Variants in FSTL4 observed in about 807,000 individuals in gnomAD.
FSTL4 encodes follistatin like 4.
In FSTL4, 28 loss-of-function variants were observed where a neutral mutation model predicts 78.2. The observed-to-expected ratio is 0.36, with a 90% CI of 0.27 to 0.49. FSTL4 has a LOEUF of 0.49. Among genes scored for constraint, FSTL4 ranks in the 20% least tolerant of loss-of-function variants. The probability of loss-of-function intolerance (pLI) is 0.98; values close to 1 mark genes in which losing one functional copy is unlikely to be tolerated. For missense variants in FSTL4, 922 were observed against 1,084.9 expected, an observed-to-expected ratio of 0.85 and a Z score of 2.11; for synonymous variants, 422 against 440.5, an observed-to-expected ratio of 0.96 and a Z score of 0.53.
intron 6 of FSTL4, among the ~76,000 whole-genome samples, chr5:133,255,703 C>T (rs879882957): frequency 4.6e-5 from 7 of 152,220 alleles, no homozygotes; most frequent in African/African-American, 1.7e-4. Context: ...AAACACCCGT[C>T]CTCACCTTTC....
At chr5:133,248,979 A>G (rs1752128119) in intron 7 of FSTL4, among the ~76,000 whole-genome samples, 1 of 152,040 alleles carries the variant, frequency 6.6e-6, no homozygotes, top group Non-Finnish European at 1.5e-5. Flanking sequence ...TCTACAGCCT[A>G]CCCAGCACTA....
At position 133,578,972 on chromosome 5, in the gene FSTL4, T is replaced by A. The variant is rs73788159; in HGVS notation, c.127-11753A>T. ...AATCCACATCTCTCAGAATGAGCAA[T>A]CACCACGTCCAAGACCATCACAACA... On this transcript the variant is annotated intron_variant, in intron 2 of 15. Transcript: ENST00000265342. 5.5e-3 allele frequency among the ~76,000 whole-genome samples: 829 copies of A among 151,546 alleles called. 7 individuals carry two copies. Among genetic ancestry groups the A allele is most frequent in the African/African-American group, 0.019 (796 of 40,852 alleles).
At chr5:133,375,954 C>T (rs554256311) in intron 4 of FSTL4, among the ~76,000 whole-genome samples, 28 of 152,182 alleles carry the variant, frequency 1.8e-4, no homozygotes, top group Admixed American at 3.9e-4. Context: ...ACTATGTTTA[C>T]GGATGGAAAG....
chr5:133,701,821 C>G, the FSTL4 span, among the ~76,000 whole-genome samples: 1 of 152,180 alleles, frequency 6.6e-6, no homozygotes, highest in Non-Finnish European at 1.5e-5. Flanking sequence ...GTGCAAATGC[C>G]TGAGCTCATC....
At position 133,199,130 on chromosome 5, in the gene FSTL4, C is replaced by T. The variant is rs558686290; in HGVS notation, c.2494G>A (p.Gly832Arg). 90 of 1,572,366 alleles carry T rather than the reference C, an allele frequency of 5.7e-5. 2 individuals are homozygous for T. In the South Asian group the frequency reaches 8.7e-4, roughly 15 times the overall value. ...CCCACCCACACCACTGTGGTCCCCCCCTTTATACCTGACACCTCACACCGC... is the reference window on the plus strand; with the variant it reads ...CCCACCCACACCACTGTGGTCCCCCTCTTTATACCTGACACCTCACACCGC... ...TLRCEVSGIK[G>R]GTTVVWVGEV The change falls in exon 16 of 16, where the codon GGG (glycine) becomes AGG (arginine). Residue 832 changes from glycine to arginine, a missense_variant. By Grantham distance (125) the Gly-to-Arg change is moderately radical. Coordinates refer to ENST00000265342, the MANE Select transcript of FSTL4 (RefSeq NM_015082.2). This position sits in a 1 kb window ranked among gnomAD's most constrained non-coding sequence, Gnocchi z 4.4.
chr5:133,769,347 C>T, the FSTL4 span, among the ~76,000 whole-genome samples: 1 of 152,210 alleles, frequency 6.6e-6, no homozygotes, highest in Non-Finnish European at 1.5e-5. Context: ...AGTGCTTGGT[C>T]TCATCATGGC....
chr5:133,538,010 C>T (rs948719160), intron 3 of FSTL4, among the ~76,000 whole-genome samples: 1 of 152,112 alleles, frequency 6.6e-6, no homozygotes, highest in African/African-American at 2.4e-5. Flanking sequence ...GAGGTCAACA[C>T]AGCCTCCTAC....
intron 6 of FSTL4, among the ~76,000 whole-genome samples, chr5:133,260,755 G>T (rs1234746399): frequency 6.6e-6 from 1 of 152,212 alleles, no homozygotes; most frequent in Non-Finnish European, 1.5e-5. Context: ...ACATGGCAGG[G>T]AGCTCAGCTG....
intron 2 of FSTL4, among the ~76,000 whole-genome samples, chr5:133,569,979 G>A (rs547894716): frequency 3.4e-4 from 52 of 152,182 alleles, no homozygotes; most frequent in African/African-American, 8.9e-4. Context: ...GGAGGCTGAG[G>A]CGGGCGGATC....
At chr5:133,463,767 A>G (rs1314246812) in intron 3 of FSTL4, among the ~76,000 whole-genome samples, 1 of 152,204 alleles carries the variant, frequency 6.6e-6, no homozygotes, top group African/African-American at 2.4e-5. Flanking sequence ...GCCTTTCCTG[A>G]GAGCAAATGA....
chr5:133,322,836 T>A (rs1256560697), intron 4 of FSTL4, among the ~76,000 whole-genome samples: 1 of 152,170 alleles, frequency 6.6e-6, no homozygotes, highest in Non-Finnish European at 1.5e-5. Context: ...TTATGGGGAA[T>A]CGTCCATCCA....
At chr5:133,273,418 G>A (rs1752810197) in intron 6 of FSTL4, among the ~76,000 whole-genome samples, 1 of 152,200 alleles carries the variant, frequency 6.6e-6, no homozygotes, top group Non-Finnish European at 1.5e-5. Context: ...TAGCCATGTT[G>A]GAGACTTAGC....
At chr5:133,415,682 G>A (rs1413375208) in intron 3 of FSTL4, among the ~76,000 whole-genome samples, 2 of 152,184 alleles carry the variant, frequency 1.3e-5, no homozygotes, top group Non-Finnish European at 2.9e-5. Flanking sequence ...TAGCAGCTGA[G>A]GCAGGTGGTG....
rs768709553 is a variant in FSTL4, at chr5:133,220,760, A to G, written c.1446T>C (p.Ile482=). 1.9e-6 allele frequency: 3 copies of G among 1,582,034 alleles called. No homozygotes were observed. In the South Asian group the frequency reaches 3.3e-5, roughly 17 times the overall value. ...CACAGTTACTTACATAGCTCATGAA[A>G]ATCTTTTCCGTGGGTTTGAGGTGCC... ...IQRHLKPTEK[I]FMSYEEICPQ... The change falls in exon 12 of 16, where the codon ATT becomes ATC. Residue 482 remains isoleucine (I), a synonymous_variant. Transcript: ENST00000265342.
intron 4 of FSTL4, among the ~76,000 whole-genome samples, chr5:133,318,609 G>C (rs947450326): frequency 2.0e-5 from 3 of 152,192 alleles, no homozygotes; most frequent in South Asian, 2.1e-4. Flanking sequence ...TTCCTGGAGT[G>C]GGGGGCATTT....
intron 2 of FSTL4, among the ~76,000 whole-genome samples, chr5:133,595,235 C>A (rs1760715297): frequency 6.6e-6 from 1 of 152,214 alleles, no homozygotes; most frequent in African/African-American, 2.4e-5. Flanking sequence ...CCATACGATT[C>A]TCTGAAGCCT....
chr5:133,267,550 C>T (rs918199607), intron 6 of FSTL4, among the ~76,000 whole-genome samples: 1 of 152,184 alleles, frequency 6.6e-6, no homozygotes, highest in African/African-American at 2.4e-5. Flanking sequence ...GATGCCCAGG[C>T]TGGTCAGAGC....
chr5:133,706,191 G>A, the FSTL4 span, among the ~76,000 whole-genome samples: 1 of 152,140 alleles, frequency 6.6e-6, no homozygotes, highest in African/African-American at 2.4e-5. Flanking sequence ...TTAATTACGG[G>A]CAATAATACC....
At chr5:133,779,010 CA>C in the FSTL4 span, among the ~76,000 whole-genome samples, 5 of 152,182 alleles carry the variant, frequency 3.3e-5, no homozygotes, top group African/African-American at 1.2e-4. Context: ...TATGGTGGGG[CA>C]GGGGGAGGAC....
Sources: allele counts gnomAD v4.1 joint callset (sites outside exome capture counted in the v4.1 genomes callset), GRCh38; gene constraint gnomAD v4.1.1; non-coding constraint Gnocchi (gnomAD v3.1); transcripts MANE v1.5; gene names NCBI Gene and HGNC (gene_info 2026-07-23, HGNC 2026-07-21).